DAAM1: variants seen among roughly 807,000 people sequenced by gnomAD.
The protein encoded by DAAM1 is dishevelled associated activator of morphogenesis 1, also known as disheveled-associated activator of morphogenesis 1.
A neutral mutation model predicts 130.0 loss-of-function variants in DAAM1; 52 were observed. That is an observed-to-expected ratio of 0.40 (90% CI 0.32 to 0.50). The LOEUF (loss-of-function observed/expected upper bound fraction) is 0.50, where lower values mean the gene tolerates loss of function less well. DAAM1 is among the 20% of genes least tolerant of loss of function. The pLI is 0.61. For synonymous variants in DAAM1, 452 were observed against 444.5 expected, an observed-to-expected ratio of 1.02 and a Z score of -0.21; for missense variants, 1,134 against 1,303.8, an observed-to-expected ratio of 0.87 and a Z score of 2.01.
At chr14:59,350,195 C>A (rs771829053) in intron 17 of DAAM1, among the ~76,000 whole-genome samples, 1 of 152,124 alleles carries the variant, frequency 6.6e-6, no homozygotes, top group Non-Finnish European at 1.5e-5. Flanking sequence ...TGTCTTCCCC[C>A]ACTTCCGTCC....
intron 1 of DAAM1, among the ~76,000 whole-genome samples, chr14:59,257,869 C>G (rs1881979897): frequency 6.6e-6 from 1 of 152,132 alleles, no homozygotes; most frequent in Non-Finnish European, 1.5e-5. Flanking sequence ...ACCCAGAATC[C>G]TCTTCCCCAA....
At chr14:59,338,007 G>T (rs1885695037) in intron 15 of DAAM1, among the ~76,000 whole-genome samples, 1 of 152,124 alleles carries the variant, frequency 6.6e-6, no homozygotes, top group Non-Finnish European at 1.5e-5. Context: ...ATTTTCTCCT[G>T]CTTCAAGTAA....
chr14:59,228,155 T>G (rs1205292510), intron 1 of DAAM1, among the ~76,000 whole-genome samples: 2 of 152,192 alleles, frequency 1.3e-5, no homozygotes, highest in Non-Finnish European at 2.9e-5. Context: ...GCTGTAATAA[T>G]GAAATCTTTT....
At chr14:59,219,396 C>T (rs538519228) in intron 1 of DAAM1, among the ~76,000 whole-genome samples, 57 of 152,260 alleles carry the variant, frequency 3.7e-4, no homozygotes, top group African/African-American at 1.3e-3. Flanking sequence ...GGGGGGACAT[C>T]GGCATGCTGT....
intron 12 of DAAM1, among the ~76,000 whole-genome samples, chr14:59,330,286 C>T (rs1349790683): frequency 6.6e-6 from 1 of 151,822 alleles, no homozygotes; most frequent in Non-Finnish European, 1.5e-5. Context: ...CAGTCTCTTA[C>T]GTAGTTAATA....
chr14:59,352,662 A>T (rs780833369), intron 18 of DAAM1, 30 bp downstream of exon 18: 4 of 1,557,738 alleles, frequency 2.6e-6, no homozygotes, highest in Non-Finnish European at 3.5e-6. Context: ...GAATGTGAAG[A>T]TGTCACTTCC....
chr14:59,289,767 G>GATAGATATATATATATATATATAT (rs375183979), intron 2 of DAAM1, among the ~76,000 whole-genome samples: 16 of 110,250 alleles, frequency 1.5e-4, no homozygotes, highest in Non-Finnish European at 2.7e-4. Flanking sequence ...AACAAAATGT[G>GATAGATATATATATATATATATAT]ATATATATAT....
intron 1 of DAAM1, among the ~76,000 whole-genome samples, chr14:59,237,882 C>T (rs1333360173): frequency 6.6e-6 from 1 of 152,166 alleles, no homozygotes; most frequent in African/African-American, 2.4e-5. Context: ...GCTTCTCCTT[C>T]AAAATTAAAT....
chr14:59,307,712 A>T (rs573187929), intron 3 of DAAM1, among the ~76,000 whole-genome samples: 34 of 152,320 alleles, frequency 2.2e-4, no homozygotes, highest in African/African-American at 7.9e-4. Flanking sequence ...ATATGCATAC[A>T]TGGAAAAAAT....
intron 17 of DAAM1, among the ~76,000 whole-genome samples, chr14:59,351,535 C>T (rs1003274920): frequency 3.3e-5 from 5 of 152,128 alleles, no homozygotes; most frequent in South Asian, 4.1e-4. Flanking sequence ...TTCCAGACCC[C>T]GGCACATAGT....
chr14:59,292,462 G>T (rs886461210), intron 3 of DAAM1, among the ~76,000 whole-genome samples: 1 of 152,020 alleles, frequency 6.6e-6, no homozygotes, highest in Admixed American at 6.6e-5. Flanking sequence ...CTCAATAAAG[G>T]GACTCTCTCT....
intron 2 of DAAM1, among the ~76,000 whole-genome samples, chr14:59,276,677 A>G (rs1045698433): frequency 6.6e-6 from 1 of 152,190 alleles, no homozygotes; most frequent in Non-Finnish European, 1.5e-5. Flanking sequence ...TTGAAAAATA[A>G]AAGTTAGACT....
intron 2 of DAAM1, among the ~76,000 whole-genome samples, chr14:59,271,323 A>T (rs1232183771): frequency 6.6e-6 from 1 of 152,150 alleles, no homozygotes; most frequent in Non-Finnish European, 1.5e-5. Flanking sequence ...AATCCCAATG[A>T]GAAGGTAGTG....
Position 59,370,465 on chromosome 14 carries a change from G to C in DAAM1, c.*1606G>C, listed in dbSNP as rs576110003. 26 of 152,102 alleles carry C rather than the reference G, an allele frequency of 1.7e-4. No individual in the cohort carries two copies. Among genetic ancestry groups the C allele is most frequent in the African/African-American group, 5.5e-4 (23 of 41,522 alleles). The allele number at this position is 152,102 out of a possible 1,614,324, so 9.4% of individuals were successfully genotyped here. ...GAATACCAATGTGTGCACTGTACAG[G>C]AATCATACTATTTAAAAATAATTTG... is the stretch of plus-strand genomic sequence containing the variant. On this transcript the variant is annotated 3_prime_UTR_variant, in exon 25 of 25. Coordinates refer to ENST00000360909, the MANE Select transcript of DAAM1 (RefSeq NM_001270520.2).
intron 17 of DAAM1, among the ~76,000 whole-genome samples, chr14:59,350,286 G>A (rs1003368601): frequency 2.0e-5 from 3 of 151,864 alleles, no homozygotes; most frequent in Admixed American, 6.6e-5. Context: ...TGGATTGACT[G>A]CCCCCTTCTC....
rs142147717 is a variant in DAAM1, at chr14:59,306,734, A to G, written c.274-8546A>G. Among the ~76,000 whole-genome samples, 100 of 152,112 alleles carry G rather than the reference A, an allele frequency of 6.6e-4. 1 individual carries two copies. The East Asian group carries it at 0.018, about 27-fold the overall frequency. ...TGCAGGAAGACTTAGTAATACCCCA[A>G]ATACTTAACCAACAAATTCCTGAGG... On this transcript the variant is annotated intron_variant, in intron 3 of 24. Coordinates refer to ENST00000360909, the MANE Select transcript of DAAM1 (RefSeq NM_001270520.2).
intron 2 of DAAM1, among the ~76,000 whole-genome samples, chr14:59,274,947 G>C (rs924824240): frequency 1.3e-5 from 2 of 152,172 alleles, no homozygotes. Flanking sequence ...TGTATATTAC[G>C]TGGTGAAATA....
intron 1 of DAAM1, among the ~76,000 whole-genome samples, chr14:59,195,877 TC>T (rs1887872798): frequency 6.8e-6 from 1 of 147,886 alleles, no homozygotes; most frequent in Non-Finnish European, 1.5e-5. Flanking sequence ...TCAGATTTTT[TC>T]TGTATCTTTT....
chr14:59,310,391 C>G (rs1196518351), intron 3 of DAAM1, among the ~76,000 whole-genome samples: 3 of 152,046 alleles, frequency 2.0e-5, no homozygotes, highest in Non-Finnish European at 2.9e-5. Context: ...CCTCAGTCTC[C>G]CAAAGTGCTG....
Sources: allele counts gnomAD v4.1 joint callset (sites outside exome capture counted in the v4.1 genomes callset), GRCh38; gene constraint gnomAD v4.1.1; transcripts MANE v1.5; gene names NCBI Gene and HGNC (gene_info 2026-07-23, HGNC 2026-07-21).